Variants in VIT observed in about 807,000 individuals in gnomAD.
The protein encoded by VIT is vitrin.
A neutral mutation model predicts 78.0 loss-of-function variants in VIT; 99 were observed. That is an observed-to-expected ratio of 1.27 (90% CI 1.08 to 1.50). The LOEUF is 1.50. Ranked by LOEUF, VIT falls within the 40% of genes most tolerant of loss-of-function variation. The probability of loss-of-function intolerance (pLI) is 0.00; values close to 1 mark genes in which losing one functional copy is unlikely to be tolerated. For synonymous variants in VIT, 374 were observed against 334.3 expected (o/e 1.12, Z -1.29); for missense variants, 1,126 against 875.3 (o/e 1.29, Z -3.61).
Position 36,779,664 on chromosome 2 carries a change from C to T in VIT, c.803-2063C>T, listed in dbSNP as rs533978213. ...CAACAGGCCCCAGTACGTGCTGTTC[C>T]CCACCATGTGTTCTCATCATTCAGC... is the stretch of plus-strand genomic sequence containing the variant. On this transcript the variant is annotated intron_variant, in intron 9 of 15. Coordinates refer to ENST00000379242, the MANE Select transcript of VIT (RefSeq NM_053276.4). Among the ~76,000 whole-genome samples the T allele has an allele frequency of 3.3e-5, 5 of 152,254 alleles. No individual in the cohort carries two copies. In the South Asian group the frequency reaches 6.2e-4, roughly 19 times the overall value.
intron 6 of VIT, among the ~76,000 whole-genome samples, chr2:36,761,351 C>T (rs1172369863): frequency 2.0e-5 from 3 of 152,044 alleles, no homozygotes; most frequent in Non-Finnish European, 4.4e-5. Flanking sequence ...TCCTTCTGTC[C>T]ACTGGCCTGG....
intron 5 of VIT, among the ~76,000 whole-genome samples, chr2:36,755,328 T>G (rs998388430): frequency 1.3e-5 from 2 of 152,214 alleles, no homozygotes; most frequent in African/African-American, 4.8e-5. Flanking sequence ...TTACATTAAT[T>G]ACATTTAATA....
chr2:36,715,702 C>G (rs531568405), intron 1 of VIT, among the ~76,000 whole-genome samples: 2 of 152,152 alleles, frequency 1.3e-5, no homozygotes, highest in African/African-American at 4.8e-5. Context: ...GCCTGGGCAT[C>G]AGAATTTTTT....
At position 36,808,807 on chromosome 2, in the gene VIT, C is replaced by T. The variant is rs368776924; in HGVS notation, c.1725C>T (p.Asn575=). 33 of 1,614,028 alleles carry T rather than the reference C, an allele frequency of 2.0e-5. No homozygotes were observed. Among genetic ancestry groups the T allele is most frequent in the African/African-American group, 2.7e-5 (2 of 74,940 alleles). Residue 575 remains asparagine (N), a synonymous_variant, in exon 15 of 16, where the codon AAC becomes AAT. Coordinates refer to ENST00000379242, the MANE Select transcript of VIT (RefSeq NM_053276.4). ...DKYSSKPDIL[N]AIKRVGYWSG... ...ACAGCAGCAAGCCTGACATCCTCAA[C>T]GCCATCAAGAGGGTGGGCTACTGGA... is the stretch of plus-strand genomic sequence containing the variant.
intron 1 of VIT, among the ~76,000 whole-genome samples, chr2:36,697,557 G>A (rs1397600748): frequency 5.3e-5 from 8 of 152,144 alleles, no homozygotes; most frequent in Non-Finnish European, 7.3e-5. Context: ...TTACTGATAA[G>A]CCCAACAAGG....
chr2:36,735,925 C>T (rs1473579668), intron 3 of VIT, among the ~76,000 whole-genome samples: 1 of 152,190 alleles, frequency 6.6e-6, no homozygotes, highest in Non-Finnish European at 1.5e-5. Flanking sequence ...GCCTGTCTAC[C>T]TTCTTAGAAT....
chr2:36,759,014 A>C lies in VIT; in HGVS notation c.455A>C (p.Tyr152Ser). ...GTAACCTACCCATCAGCTCTTACATACTCATCATCGAAAAGTCCAGCTGCC... is the reference window on the plus strand; with the variant it reads ...GTAACCTACCCATCAGCTCTTACATCCTCATCATCGAAAAGTCCAGCTGCC... Reference protein sequence around the residue: ...KGVTYPSALTYSSSKSPAAQA... With the variant: ...KGVTYPSALTSSSSKSPAAQA... The change falls in exon 6 of 16, where the codon TAC becomes TCC. Residue 152 changes from tyrosine to serine, a missense_variant. Physicochemically the swap from Tyr to Ser is moderately radical, Grantham distance 144. Transcript: ENST00000379242. 1.2e-6 allele frequency: 2 copies of C among 1,613,936 alleles called. No individual in the cohort carries two copies. The highest frequency in any genetic ancestry group is 3.3e-5 in the Admixed American group (2 of 60,002).
chr2:36,813,185 C>T (rs929247188), intron 15 of VIT, among the ~76,000 whole-genome samples: 2 of 150,590 alleles, frequency 1.3e-5, no homozygotes, highest in African/African-American at 4.9e-5. Context: ...CACGGTGGCT[C>T]ATGCCTGTAA....
intron 1 of VIT, among the ~76,000 whole-genome samples, chr2:36,714,285 A>C (rs188841095): frequency 6.6e-6 from 1 of 152,320 alleles, no homozygotes; most frequent in Admixed American, 6.5e-5. Context: ...CAGTGTATCA[A>C]ATATTGGATA....
intron 3 of VIT, among the ~76,000 whole-genome samples, chr2:36,736,807 T>G (rs1667535640): frequency 6.6e-6 from 1 of 152,226 alleles, no homozygotes; most frequent in Non-Finnish European, 1.5e-5. Context: ...GCTCCTTGAC[T>G]TACAATGGGG....
intron 9 of VIT, 45 bp downstream of exon 9, chr2:36,775,112 T>C: frequency 5.0e-6 from 8 of 1,607,872 alleles, no homozygotes; most frequent in Non-Finnish European, 5.9e-6. Context: ...AGGAATTTGC[T>C]CTGTGGCACT....
chr2:36,717,980 G>A (rs1243178566), intron 2 of VIT, among the ~76,000 whole-genome samples: 2 of 152,100 alleles, frequency 1.3e-5, no homozygotes, highest in African/African-American at 4.8e-5. Context: ...GGTTTCTTTG[G>A]CCTGTACATG....
Position 36,805,540 on chromosome 2 carries a change from C to G in VIT, c.1265C>G (p.Thr422Arg), listed in dbSNP as rs773000051. The G allele has an allele frequency of 2.5e-6, 4 of 1,614,084 alleles. No homozygotes were observed. Among genetic ancestry groups the G allele is most frequent in the Non-Finnish European group, 3.4e-6 (4 of 1,180,012 alleles). Residue 422 changes from threonine (T) to arginine (R), a missense_variant, in exon 14 of 16, where the codon ACG (threonine) becomes AGG (arginine). Transcript: ENST00000379242. Reference protein sequence around the residue: ...VVVVMVDGWPTDKVEEASRLA... With the variant: ...VVVVMVDGWPRDKVEEASRLA... Reference sequence around the variant, plus strand: ...GTGGTGATGGTGGATGGCTGGCCCACGGACAAAGTGGAGGAGGCTTCAAGA... The same window carrying G: ...GTGGTGATGGTGGATGGCTGGCCCAGGGACAAAGTGGAGGAGGCTTCAAGA...
intron 11 of VIT, among the ~76,000 whole-genome samples, chr2:36,786,907 T>G (rs1218674219): frequency 6.6e-6 from 1 of 152,174 alleles, no homozygotes; most frequent in Non-Finnish European, 1.5e-5. Flanking sequence ...TACATAGAGT[T>G]TTAAACAGTT....
intron 6 of VIT, among the ~76,000 whole-genome samples, chr2:36,766,833 C>T (rs185974416): frequency 3.3e-5 from 5 of 152,196 alleles, no homozygotes. Flanking sequence ...CATGTTCTGC[C>T]TTGTCTATGT....
intron 9 of VIT, among the ~76,000 whole-genome samples, chr2:36,778,791 T>C (rs1558565103): frequency 1.3e-5 from 2 of 152,134 alleles, no homozygotes; most frequent in Non-Finnish European, 2.9e-5. Flanking sequence ...AGTGCAGCCC[T>C]TGGGACATGA....
intron 2 of VIT, among the ~76,000 whole-genome samples, chr2:36,722,769 T>G (rs1260451670): frequency 6.6e-6 from 1 of 152,176 alleles, no homozygotes; most frequent in Non-Finnish European, 1.5e-5. Flanking sequence ...TTTCATGTCT[T>G]TTCTTGAACA....
chr2:36,767,217 C>T lies in VIT; in HGVS notation c.611C>T (p.Ser204Phe), dbSNP rs756526016. 6.2e-7 allele frequency: 1 copy of T among 1,607,698 alleles called. No individual in the cohort carries two copies. Among genetic ancestry groups the T allele is most frequent in the Non-Finnish European group, 8.5e-7 (1 of 1,177,324 alleles). ...VATPTTLPRPSPSAASTTSIP... is the reference protein window; with the variant it reads ...VATPTTLPRPFPSAASTTSIP... ...ACCCCCACCACCTTGCCAAGGCCAT[C>T]CCCTTCTGCTGCTTCTACCACCAGC... The change falls in exon 7 of 16, where the codon TCC (serine) becomes TTC (phenylalanine). Residue 204 changes from serine to phenylalanine, a missense_variant. Ser to Phe is a radical substitution (Grantham distance 155). Transcript: ENST00000379242.
intron 6 of VIT, among the ~76,000 whole-genome samples, chr2:36,765,609 G>C (rs972073752): frequency 2.0e-5 from 3 of 152,138 alleles, no homozygotes; most frequent in Non-Finnish European, 4.4e-5. Context: ...GATTTGGGTG[G>C]GGACACGGAC....
Sources: allele counts gnomAD v4.1 joint callset (sites outside exome capture counted in the v4.1 genomes callset), GRCh38; gene constraint gnomAD v4.1.1; transcripts MANE v1.5; gene names NCBI Gene and HGNC (gene_info 2026-07-23, HGNC 2026-07-21).